TMPRSS15: variants seen among roughly 807,000 people sequenced by gnomAD.
TMPRSS15 encodes the protein enteropeptidase.
In TMPRSS15, 128 loss-of-function variants were observed where a neutral mutation model predicts 125.3. The observed-to-expected ratio is 1.02, with a 90% CI of 0.89 to 1.18. The LOEUF (loss-of-function observed/expected upper bound fraction) is 1.18. Among genes scored for constraint, TMPRSS15 ranks in the 50% most tolerant of loss-of-function variants. The probability of loss-of-function intolerance (pLI) is 0.00; values close to 1 mark genes in which losing one functional copy is unlikely to be tolerated. For missense variants in TMPRSS15, 1,283 were observed against 1,212.7 expected (o/e 1.06, Z -0.86); for synonymous variants, 446 against 423.2 (o/e 1.05, Z -0.66).
intron 1 of TMPRSS15, among the ~76,000 whole-genome samples, chr21:18,435,081 T>A (rs1389804253): frequency 1.4e-5 from 2 of 139,288 alleles, no homozygotes; most frequent in East Asian, 1.9e-4. Context: ...AAAACACCAA[T>A]TTTTTTTACA....
intron 1 of TMPRSS15, among the ~76,000 whole-genome samples, chr21:18,465,717 C>T (rs930918379): frequency 1.3e-5 from 2 of 151,988 alleles, no homozygotes; most frequent in East Asian, 1.9e-4. Context: ...ATGTGAAGAA[C>T]GTCTTCAAGG....
intron 3 of TMPRSS15, among the ~76,000 whole-genome samples, chr21:18,387,017 T>G (rs764118170): frequency 1.4e-4 from 21 of 152,198 alleles, no homozygotes; most frequent in Non-Finnish European, 2.9e-4. Context: ...ATTTAATAAT[T>G]TATACTTTGC....
chr21:18,360,939 A>G (rs937929359), intron 7 of TMPRSS15, among the ~76,000 whole-genome samples: 4 of 152,146 alleles, frequency 2.6e-5, no homozygotes, highest in African/African-American at 4.8e-5. Flanking sequence ...GATGACAGCT[A>G]TCATATTCTA....
intron 1 of TMPRSS15, among the ~76,000 whole-genome samples, chr21:18,430,344 G>T (rs575666678): frequency 6.6e-6 from 1 of 152,134 alleles, no homozygotes; most frequent in Non-Finnish European, 1.5e-5. Flanking sequence ...CCATAAAAAA[G>T]AAACTATGTT....
intron 1 of TMPRSS15, among the ~76,000 whole-genome samples, chr21:18,432,526 T>C (rs1421806195): frequency 2.0e-5 from 3 of 152,044 alleles, no homozygotes; most frequent in Non-Finnish European, 4.4e-5. Flanking sequence ...TAATCAAATC[T>C]GAAAGGTATC....
At chr21:18,314,413 G>T (rs1209888439) in intron 17 of TMPRSS15, among the ~76,000 whole-genome samples, 1 of 152,044 alleles carries the variant, frequency 6.6e-6, no homozygotes, top group Non-Finnish European at 1.5e-5. Flanking sequence ...GGAGTAGCTG[G>T]GATTACAGGC....
intron 1 of TMPRSS15, 107 bp downstream of exon 1, chr21:18,403,371 T>C (rs1334326125): frequency 1.4e-6 from 2 of 1,456,932 alleles, no homozygotes; most frequent in African/African-American, 1.4e-5. Context: ...AAGCCCAAAA[T>C]AATGCATTTA....
At chr21:18,336,015 T>C (rs544118764) in intron 13 of TMPRSS15, among the ~76,000 whole-genome samples, 1 of 152,202 alleles carries the variant, frequency 6.6e-6, no homozygotes, top group Middle Eastern at 3.4e-3. Context: ...CCAATAGGGA[T>C]TTCCACTGCA....
intron 18 of TMPRSS15, among the ~76,000 whole-genome samples, chr21:18,303,263 T>C (rs2074992780): frequency 1.3e-5 from 2 of 152,106 alleles, no homozygotes; most frequent in Non-Finnish European, 2.9e-5. Flanking sequence ...ATGTTCTTTG[T>C]TATATAGACC....
chr21:18,372,087 T>C (rs1311787223), intron 6 of TMPRSS15, 106 bp downstream of exon 6: 3 of 954,316 alleles, frequency 3.1e-6, no homozygotes, highest in African/African-American at 3.4e-5. Flanking sequence ...TTTCAGGTAT[T>C]TGAGATTAGA....
At chr21:18,345,751 A>AAAAAAAAAAAAAAAAAC (rs2075501458) in intron 10 of TMPRSS15, among the ~76,000 whole-genome samples, 1 of 142,090 alleles carries the variant, frequency 7.0e-6, no homozygotes, top group African/African-American at 2.6e-5. Context: ...AAAAAAAAAA[A>AAAAAAAAAAAAAAAAAC]AAAAAAAAAA....
intron 1 of TMPRSS15, among the ~76,000 whole-genome samples, chr21:18,417,845 G>A (rs1023503419): frequency 2.6e-5 from 4 of 152,024 alleles, no homozygotes; most frequent in Non-Finnish European, 4.4e-5. Flanking sequence ...ATATAAACAC[G>A]TATACACACA....
At chr21:18,276,200 G>C (rs558531331) in intron 23 of TMPRSS15, among the ~76,000 whole-genome samples, 5 of 152,226 alleles carry the variant, frequency 3.3e-5, no homozygotes, top group African/African-American at 1.2e-4. Flanking sequence ...AAGTGTGTTC[G>C]TGCACACGTG....
rs373594153 is a variant in TMPRSS15, at chr21:18,343,553, T to C, written c.1381A>G (p.Asn461Asp). 6 of 1,613,320 alleles carry C rather than the reference T, an allele frequency of 3.7e-6. No individual in the cohort carries two copies. The African/African-American group carries it at 8.0e-5, about 22-fold the overall frequency. ...AGGGTTACTTGTCCATAATTCCAAT[T>C]GTCTCCATAATTTCCTTCCTTTTGG... ...VFQKEGNYGDNWNYGQVTLNE... is the reference protein window; with the variant it reads ...VFQKEGNYGDDWNYGQVTLNE... Residue 461 changes from asparagine (N) to aspartate (D), a missense_variant, in exon 12 of 25, where the codon AAT becomes GAT. Physicochemically the swap from Asn to Asp is conservative, Grantham distance 23 (BLOSUM62 1). Coordinates refer to ENST00000284885, the MANE Select transcript of TMPRSS15 (RefSeq NM_002772.3).
chr21:18,422,690 A>G (rs1052688918), intron 1 of TMPRSS15, among the ~76,000 whole-genome samples: 4 of 152,256 alleles, frequency 2.6e-5, no homozygotes, highest in African/African-American at 9.6e-5. Flanking sequence ...ACGGTATCAA[A>G]GCCGATGACT....
rs185771518 is a variant in TMPRSS15 at position 18,351,733 on chromosome 21, T to C, written c.1171+1170A>G. ...TTATGGCAGTGTGAAAATGGACTAA[T>C]ACATGCCCTATTAATTCAAAGTTAA... On this transcript the variant is annotated intron_variant, in intron 10 of 24. Transcript: ENST00000284885. 3.3e-5 allele frequency among the ~76,000 whole-genome samples: 5 copies of C among 152,272 alleles called. No individual in the cohort carries two copies. In the East Asian group the frequency reaches 9.7e-4, roughly 29 times the overall value.
At chr21:18,385,935 G>A (rs1192707013) in intron 3 of TMPRSS15, among the ~76,000 whole-genome samples, 1 of 151,928 alleles carries the variant, frequency 6.6e-6, no homozygotes, top group African/African-American at 2.4e-5. Flanking sequence ...AATAGAGATG[G>A]GGTTTCACCA....
Position 18,313,023 on chromosome 21 carries a change from T to C in TMPRSS15, c.2087A>G (p.Gln696Arg), listed in dbSNP as rs1172042123. The C allele has an allele frequency of 1.2e-6, 2 of 1,614,096 alleles. No homozygotes were observed. The highest frequency in any genetic ancestry group is 3.3e-5 in the Admixed American group (2 of 60,008). The change falls in exon 18 of 25, where the codon CAG (glutamine) becomes CGG (arginine). Residue 696 changes from glutamine to arginine, a missense_variant. Transcript: ENST00000284885. ...NNNGLVRFRI[Q>R]SIWHTACAEN... Reference sequence around the variant, plus strand: ...AGCACAAGCTGTATGCCATATGCTCTGGATTCTGAACCGCACTAAACCATT... The same window carrying C: ...AGCACAAGCTGTATGCCATATGCTCCGGATTCTGAACCGCACTAAACCATT...
Position 18,440,372 on chromosome 21 carries a change from C to CAAAAAAAAAAAAAAAA in TMPRSS15, c.11-42059_11-42044dup, listed in dbSNP as rs539968323. Among the ~76,000 whole-genome samples the CAAAAAAAAAAAAAAAA allele has an allele frequency of 2.9e-3, 139 of 47,312 alleles. 3 individuals are homozygous for CAAAAAAAAAAAAAAAA. Among genetic ancestry groups the CAAAAAAAAAAAAAAAA allele is most frequent in the African/African-American group, 4.7e-3 (57 of 12,028 alleles). The allele number at this position is 47,312 out of a possible 152,430, so 31.0% of individuals were successfully genotyped here. ...TGGGCGACAGAGCGAAACTCCGTCT[C>CAAAAAAAAAAAAAAAA]AAAAAAAAAAAAAAAAAGAAAACTG... On this transcript the variant is annotated intron_variant, in intron 1 of 7. Coordinates refer to the TMPRSS15 transcript ENST00000422787.
Sources: allele counts gnomAD v4.1 joint callset (sites outside exome capture counted in the v4.1 genomes callset), GRCh38; gene constraint gnomAD v4.1.1; transcripts MANE v1.5; gene names NCBI Gene and HGNC (gene_info 2026-07-23, HGNC 2026-07-21).